GRIK1: variants seen among roughly 807,000 people sequenced by gnomAD.
The protein encoded by GRIK1 is glutamate receptor ionotropic, kainate 1.
Under a neutral mutation model 105.7 loss-of-function variants are expected in GRIK1, and 69 were observed. That is an observed-to-expected ratio of 0.65 (90% CI 0.54 to 0.80). The LOEUF is 0.80. Among genes scored for constraint, GRIK1 ranks in the 30% least tolerant of loss-of-function variants. The probability of loss-of-function intolerance (pLI) is 0.00; values close to 1 mark genes in which losing one functional copy is unlikely to be tolerated. For missense variants in GRIK1, 1,109 were observed against 1,167.3 expected, an observed-to-expected ratio of 0.95 and a Z score of 0.73; for synonymous variants, 438 against 431.3, an observed-to-expected ratio of 1.02 and a Z score of -0.19.
At chr21:29,764,921 C>CA (rs770074796) in intron 1 of GRIK1, among the ~76,000 whole-genome samples, 1 of 152,178 alleles carries the variant, frequency 6.6e-6, no homozygotes, top group Non-Finnish European at 1.5e-5. Context: ...TTAGGGCTTT[C>CA]AGTCTTCAAT....
chr21:29,606,329 C>T (rs985708330), intron 7 of GRIK1, among the ~76,000 whole-genome samples: 6 of 151,840 alleles, frequency 4.0e-5, no homozygotes, highest in Non-Finnish European at 7.4e-5. Context: ...CAGGATATGC[C>T]GGTTTTTTAC....
At chr21:29,826,317 G>A (rs1474575221) in intron 1 of GRIK1, among the ~76,000 whole-genome samples, 1 of 152,084 alleles carries the variant, frequency 6.6e-6, no homozygotes, top group Non-Finnish European at 1.5e-5. Context: ...ACTTTTATGT[G>A]TCAACTGGGC....
intron 1 of GRIK1, among the ~76,000 whole-genome samples, chr21:29,836,676 T>C (rs1261028569): frequency 6.6e-6 from 1 of 152,126 alleles, no homozygotes; most frequent in Non-Finnish European, 1.5e-5. Flanking sequence ...TGCATATATA[T>C]ATATATTTAC....
chr21:29,569,019 T>A lies in GRIK1; in HGVS notation c.2131-7170A>T, dbSNP rs1031695945. On this transcript the variant is annotated intron_variant, in intron 14 of 17. Coordinates refer to ENST00000327783, the MANE Select transcript of GRIK1 (RefSeq NM_001330994.2). Reference sequence around the variant, plus strand: ...AGTGCTTCGGCATATGCAATGTATGTGCTCAAGAAGGGCCTCCAAGGCCTA... The same window carrying A: ...AGTGCTTCGGCATATGCAATGTATGAGCTCAAGAAGGGCCTCCAAGGCCTA... 3.3e-5 allele frequency among the ~76,000 whole-genome samples: 5 copies of A among 152,356 alleles called. No homozygotes were observed. In the Middle Eastern group the frequency reaches 0.01, roughly 311 times the overall value.
chr21:29,739,154 T>C (rs1467077986), intron 1 of GRIK1, among the ~76,000 whole-genome samples: 1 of 152,322 alleles, frequency 6.6e-6, no homozygotes, highest in East Asian at 1.9e-4. Context: ...TGAAAAGTGC[T>C]GTGATTACAA....
intron 6 of GRIK1, among the ~76,000 whole-genome samples, chr21:29,648,566 G>A (rs538775745): frequency 3.4e-4 from 51 of 152,084 alleles, no homozygotes; most frequent in African/African-American, 1.0e-3. Flanking sequence ...GGTGTACTTC[G>A]CACTGGGCCT....
intron 4 of GRIK1, among the ~76,000 whole-genome samples, chr21:29,671,281 C>T (rs531342633): frequency 5.3e-5 from 8 of 152,104 alleles, no homozygotes; most frequent in African/African-American, 1.9e-4. Flanking sequence ...CACCACCACA[C>T]CTGGCTAATT....
At chr21:29,666,458 T>C (rs2063060374) in intron 4 of GRIK1, among the ~76,000 whole-genome samples, 1 of 152,148 alleles carries the variant, frequency 6.6e-6, no homozygotes, top group Admixed American at 6.6e-5. Context: ...AGTAACTTGA[T>C]GGTATTAGGC....
intron 1 of GRIK1, among the ~76,000 whole-genome samples, chr21:29,769,634 C>A (rs1174197253): frequency 6.6e-6 from 1 of 152,150 alleles, no homozygotes; most frequent in East Asian, 1.9e-4. Flanking sequence ...CACTTACCCG[C>A]TGGCCACTCA....
chr21:29,612,298 G>A (rs2061746263), intron 7 of GRIK1, among the ~76,000 whole-genome samples: 1 of 152,130 alleles, frequency 6.6e-6, no homozygotes, highest in Non-Finnish European at 1.5e-5. Flanking sequence ...GTCCCATTCT[G>A]TTTGTTGACC....
At chr21:29,933,999 A>T (rs200478543) in intron 1 of GRIK1, among the ~76,000 whole-genome samples, 1 of 151,380 alleles carries the variant, frequency 6.6e-6, no homozygotes, top group Non-Finnish European at 1.5e-5. Context: ...AAAATTTTAG[A>T]ATATTTCCTA....
At chr21:29,601,978 C>G (rs1466839644) in intron 7 of GRIK1, among the ~76,000 whole-genome samples, 1 of 152,122 alleles carries the variant, frequency 6.6e-6, no homozygotes, top group African/African-American at 2.4e-5. Flanking sequence ...ACTCGTTTCT[C>G]TCTTTTAACC....
intron 7 of GRIK1, among the ~76,000 whole-genome samples, chr21:29,611,593 T>C (rs574897407): frequency 5.9e-5 from 9 of 152,214 alleles, no homozygotes; most frequent in African/African-American, 1.9e-4. Flanking sequence ...AGCATCTAGA[T>C]AAGGTAAGTA....
chr21:29,732,109 C>T (rs77640510), intron 1 of GRIK1, among the ~76,000 whole-genome samples: 6,548 of 152,194 alleles, frequency 0.043, 203 homozygotes, highest in Non-Finnish European at 0.066. Flanking sequence ...ACTCTTTGAA[C>T]GACCGTTGTA....
chr21:29,860,471 A>G (rs1410532619), intron 1 of GRIK1, among the ~76,000 whole-genome samples: 1 of 152,182 alleles, frequency 6.6e-6, no homozygotes, highest in East Asian at 1.9e-4. Flanking sequence ...CTCATCTTAG[A>G]TCTGCAAGCC....
intron 1 of GRIK1, among the ~76,000 whole-genome samples, chr21:29,729,327 A>G (rs2064551322): frequency 1.3e-5 from 2 of 152,146 alleles, no homozygotes; most frequent in Non-Finnish European, 2.9e-5. Context: ...AAAGGAAGGT[A>G]GGAGGTGGAG....
chr21:29,808,618 T>C (rs2066925874), intron 1 of GRIK1, among the ~76,000 whole-genome samples: 1 of 152,198 alleles, frequency 6.6e-6, no homozygotes, highest in Admixed American at 6.6e-5. Context: ...TTTGAAGTTC[T>C]AGCAGCATTC....
intron 1 of GRIK1, among the ~76,000 whole-genome samples, chr21:29,772,099 C>T (rs2065828375): frequency 6.6e-6 from 1 of 152,166 alleles, no homozygotes; most frequent in Admixed American, 6.5e-5. Flanking sequence ...AAATTAATTC[C>T]TTTTGGAAGA....
intron 1 of GRIK1, among the ~76,000 whole-genome samples, chr21:29,774,852 C>T (rs894607610): frequency 5.3e-5 from 8 of 152,116 alleles, no homozygotes; most frequent in African/African-American, 1.9e-4. Flanking sequence ...CATCGGAGGA[C>T]GCTGAGCTTG....
Sources: allele counts gnomAD v4.1 joint callset (sites outside exome capture counted in the v4.1 genomes callset), GRCh38; gene constraint gnomAD v4.1.1; transcripts MANE v1.5; gene names NCBI Gene and HGNC (gene_info 2026-07-23, HGNC 2026-07-21).